Variants in CDH17 observed in about 807,000 individuals in gnomAD.
The protein encoded by CDH17 is cadherin-17.
In CDH17, 67 loss-of-function variants were observed where a neutral mutation model predicts 86.3. The ratio of observed to expected loss-of-function variants is 0.78; its 90% CI spans 0.64 to 0.95. CDH17 has a LOEUF of 0.95. Ranked by LOEUF, CDH17 falls within the 40% of genes least tolerant of loss-of-function variation. The pLI is 0.00. For missense variants in CDH17, 993 were observed against 1,017.6 expected, an observed-to-expected ratio of 0.98 and a Z score of 0.33; for synonymous variants, 367 against 366.4, an observed-to-expected ratio of 1.00 and a Z score of -0.02.
chr8:94,163,064 G>GT (rs1486733151), intron 10 of CDH17, among the ~76,000 whole-genome samples: 1 of 152,226 alleles, frequency 6.6e-6, no homozygotes, highest in East Asian at 1.9e-4. Flanking sequence ...CAGAACAGAT[G>GT]TTTTCATCAT....
In CDH17 at chr8:94,171,101, T is replaced by A. The variant is rs1007178185; in HGVS notation, c.784-116A>T. On this transcript the variant is annotated intron_variant, in intron 7 of 17. Coordinates refer to ENST00000027335, the MANE Select transcript of CDH17 (RefSeq NM_004063.4). ...TCTGACAACCTTGTATGTTTGTGGT[T>A]TCTTGTAACAACTGAATTACGTTTT... 1.7e-5 allele frequency: 18 copies of A among 1,082,956 alleles called. No individual in the cohort carries two copies. The African/African-American group carries it at 2.6e-4, about 16-fold the overall frequency. The allele number at this position is 1,082,956 out of a possible 1,614,324, so 67.1% of individuals were successfully genotyped here. A position where few individuals can be genotyped will look rare whatever the true frequency, so the allele number is the denominator to read the frequency against.
At chr8:94,139,934 C>T (rs1812605893) in intron 15 of CDH17, among the ~76,000 whole-genome samples, 1 of 151,432 alleles carries the variant, frequency 6.6e-6, no homozygotes, top group African/African-American at 2.4e-5. Flanking sequence ...GAAATACCTT[C>T]AAAGTACTGA....
rs869128612 is a variant in CDH17, at chr8:94,199,038, GATATAT to G, written c.-20-4339_-20-4334del. ...CTTCCTCTCAGAGCCAGTTCTGATT[GATATAT>G]ATATATATATATATATATATATATA... On this transcript the variant is annotated intron_variant, in intron 1 of 17. Transcript: ENST00000027335. Among the ~76,000 whole-genome samples the G allele has an allele frequency of 9.4e-3, 689 of 72,964 alleles. 4 individuals are homozygous for G. Among genetic ancestry groups the G allele is most frequent in the East Asian group, 0.046 (98 of 2,140 alleles). The allele number at this position is 72,964 out of a possible 152,430, so 47.9% of individuals were successfully genotyped here. A position where few individuals can be genotyped will look rare whatever the true frequency, so the allele number is the denominator to read the frequency against.
intron 1 of CDH17, among the ~76,000 whole-genome samples, chr8:94,197,606 G>A (rs1384618277): frequency 6.6e-6 from 1 of 152,070 alleles, no homozygotes; most frequent in Non-Finnish European, 1.5e-5. Context: ...GCTGAGGCAG[G>A]CAGATCACAA....
At chr8:94,131,472 A>G (rs957391371) in intron 15 of CDH17, among the ~76,000 whole-genome samples, 2 of 152,226 alleles carry the variant, frequency 1.3e-5, no homozygotes, top group Non-Finnish European at 2.9e-5. Context: ...AACTTCCTGA[A>G]CAAAGCTTAT....
chr8:94,195,634 T>A (rs1813768935), intron 1 of CDH17, among the ~76,000 whole-genome samples: 1 of 152,228 alleles, frequency 6.6e-6, no homozygotes, highest in Non-Finnish European at 1.5e-5. Context: ...ATTGTGACTT[T>A]CACTATGAGA....
chr8:94,156,352 G>T (rs1443219531), intron 12 of CDH17, among the ~76,000 whole-genome samples: 1 of 152,062 alleles, frequency 6.6e-6, no homozygotes, highest in Non-Finnish European at 1.5e-5. Context: ...AATTCAAAAG[G>T]ATCAGCCATA....
At chr8:94,196,868 A>C (rs1813795155) in intron 1 of CDH17, among the ~76,000 whole-genome samples, 1 of 152,188 alleles carries the variant, frequency 6.6e-6, no homozygotes, top group Non-Finnish European at 1.5e-5. Context: ...GTGTACAGTA[A>C]GCAACAGACT....
chr8:94,164,933 G>T (rs1259864933), intron 10 of CDH17, among the ~76,000 whole-genome samples: 1 of 152,158 alleles, frequency 6.6e-6, no homozygotes, highest in Non-Finnish European at 1.5e-5. Flanking sequence ...AGAACCACTT[G>T]CTCTGCAATT....
At chr8:94,209,244 A>T (rs1029855568), upstream of CDH17, among the ~76,000 whole-genome samples, 1 of 152,210 alleles carries the variant, frequency 6.6e-6, no homozygotes, top group African/African-American at 2.4e-5. Context: ...ATAAAAGCCA[A>T]TGCCCCCAGA....
intron 5 of CDH17, 22 bp from the exon 6 acceptor site, chr8:94,174,282 G>GAAAA: frequency 1.7e-5 from 22 of 1,275,666 alleles, no homozygotes; most frequent in South Asian, 7.4e-5. Context: ...GACGTACCCA[G>GAAAA]AAAAAAAAAA....
chr8:94,199,325 C>G lies in CDH17; in HGVS notation c.-20-4620G>C, dbSNP rs374242590. ...CATGATATATTAAAGGAAACTCATT[C>G]AACATTCAAAGCTTTATTGTGTAAT... On this transcript the variant is annotated intron_variant, in intron 1 of 17. Coordinates refer to ENST00000027335, the MANE Select transcript of CDH17 (RefSeq NM_004063.4). Among the ~76,000 whole-genome samples the G allele has an allele frequency of 6.8e-4, 104 of 152,034 alleles. No individual in the cohort carries two copies. The South Asian group carries it at 0.021, about 31-fold the overall frequency.
intron 1 of CDH17, among the ~76,000 whole-genome samples, chr8:94,215,944 T>C (rs1426977813): frequency 6.6e-6 from 1 of 151,884 alleles, no homozygotes; most frequent in Non-Finnish European, 1.5e-5. Flanking sequence ...AATAAGAACA[T>C]TTCAGTACAC....
intron 10 of CDH17, 28 bp from the exon 11 acceptor site, chr8:94,162,190 A>G: frequency 7.0e-7 from 1 of 1,433,696 alleles, no homozygotes; most frequent in Non-Finnish European, 9.8e-7. Flanking sequence ...ATGTCATAGA[A>G]ATTTTCACTG....
intron 12 of CDH17, among the ~76,000 whole-genome samples, chr8:94,152,881 T>C (rs972800455): frequency 6.6e-5 from 10 of 152,216 alleles, no homozygotes; most frequent in Non-Finnish European, 1.0e-4. Flanking sequence ...TTGGCCAGGC[T>C]GGTCTCAAAT....
chr8:94,147,982 G>A (rs546809025), intron 14 of CDH17, among the ~76,000 whole-genome samples: 35 of 152,294 alleles, frequency 2.3e-4, no homozygotes, highest in African/African-American at 8.2e-4. Flanking sequence ...ACACATCAAA[G>A]TAGAGAACAT....
In CDH17 at chr8:94,170,407, A is replaced by G; in HGVS notation, c.1056T>C (p.Asn352=). The G allele has an allele frequency of 3.1e-6, 5 of 1,613,580 alleles. No homozygotes were observed. In the South Asian group the frequency reaches 5.5e-5, roughly 18 times the overall value. ...SPVTVFEVQE[N]ERLGNSIGTL... ...GCTCTCATTTCTTACCCAGTCGTTCATTCTCCTGGACCTCAAATACGGTTA... is the reference window on the plus strand; with the variant it reads ...GCTCTCATTTCTTACCCAGTCGTTCGTTCTCCTGGACCTCAAATACGGTTA... Residue 352 remains asparagine (N), a synonymous_variant, in exon 9 of 18, where the codon AAT becomes AAC. Coordinates refer to ENST00000027335, the MANE Select transcript of CDH17 (RefSeq NM_004063.4).
At chr8:94,131,851 T>C (rs1812427509) in intron 15 of CDH17, among the ~76,000 whole-genome samples, 1 of 152,098 alleles carries the variant, frequency 6.6e-6, no homozygotes, top group Non-Finnish European at 1.5e-5. Flanking sequence ...TGACAGGCTC[T>C]GGTGTGTGAT....
upstream of CDH17, among the ~76,000 whole-genome samples, chr8:94,211,549 G>A (rs1010584850): frequency 2.0e-5 from 3 of 152,196 alleles, no homozygotes; most frequent in Non-Finnish European, 4.4e-5. Context: ...CTGACCTCAG[G>A]TGATCTGCCT....
Sources: allele counts gnomAD v4.1 joint callset (sites outside exome capture counted in the v4.1 genomes callset), GRCh38; gene constraint gnomAD v4.1.1; transcripts MANE v1.5; gene names NCBI Gene and HGNC (gene_info 2026-07-23, HGNC 2026-07-21).